The following TSPAN5 variants were observed in gnomAD, a reference collection of about 807,000 sequenced individuals.
The protein encoded by TSPAN5 is tetraspanin 5, also known as tetraspanin-5.
A neutral mutation model predicts 37.1 loss-of-function variants in TSPAN5; 10 were observed. The ratio of observed to expected loss-of-function variants is 0.27; its 90% CI spans 0.17 to 0.46. The LOEUF (loss-of-function observed/expected upper bound fraction) is 0.46. Among genes scored for constraint, TSPAN5 ranks in the 20% least tolerant of loss-of-function variants. The probability of loss-of-function intolerance (pLI) is 1.00; values close to 1 mark genes in which losing one functional copy is unlikely to be tolerated. For synonymous variants in TSPAN5, 110 were observed against 118.9 expected (o/e 0.93, Z 0.48); for missense variants, 195 against 326.6 (o/e 0.60, Z 3.11).
At chr4:98,645,639 G>A (rs769685121) in intron 1 of TSPAN5, among the ~76,000 whole-genome samples, 11 of 152,142 alleles carry the variant, frequency 7.2e-5, no homozygotes, top group African/African-American at 1.9e-4. Context: ...TTTGGGACTC[G>A]CTGCTTTAGA....
chr4:98,654,837 TTTTTGTTTTGCTTTG>T (rs1425466981), intron 1 of TSPAN5, among the ~76,000 whole-genome samples: 5 of 152,064 alleles, frequency 3.3e-5, no homozygotes, highest in African/African-American at 1.2e-4. Context: ...AGTGAAAGGT[TTTTTGTTTTGCTTTG>T]TTTTGTTTTT....
chr4:98,649,276 C>A (rs559434453), intron 1 of TSPAN5, among the ~76,000 whole-genome samples: 1 of 152,204 alleles, frequency 6.6e-6, no homozygotes, highest in East Asian at 1.9e-4. Context: ...CCAGCACAGA[C>A]CCACCCACCC....
chr4:98,491,405 T>G (rs1020338250), intron 2 of TSPAN5, among the ~76,000 whole-genome samples: 2 of 152,182 alleles, frequency 1.3e-5, no homozygotes, highest in Non-Finnish European at 2.9e-5. Flanking sequence ...CAACATTCAC[T>G]GAAGAGCAGC....
chr4:98,614,409 C>A (rs1367924809), intron 1 of TSPAN5, among the ~76,000 whole-genome samples: 1 of 152,102 alleles, frequency 6.6e-6, no homozygotes, highest in Non-Finnish European at 1.5e-5. Context: ...GAAATGGAGC[C>A]AGGCTATTTT....
intron 1 of TSPAN5, among the ~76,000 whole-genome samples, chr4:98,556,037 A>ACCCCCCCCC (rs374997947): frequency 1.6e-5 from 1 of 63,398 alleles, no homozygotes; most frequent in African/African-American, 7.9e-5. Context: ...CACACACAGC[A>ACCCCCCCCC]CCCCCACACA....
At chr4:98,636,453 A>C (rs2110271111) in intron 1 of TSPAN5, among the ~76,000 whole-genome samples, 1 of 152,322 alleles carries the variant, frequency 6.6e-6, no homozygotes, top group Non-Finnish European at 1.5e-5. Flanking sequence ...ATATTTAGCT[A>C]TTTAAAGCAG....
intron 1 of TSPAN5, among the ~76,000 whole-genome samples, chr4:98,655,342 C>T (rs1757273706): frequency 6.6e-6 from 1 of 152,056 alleles, no homozygotes; most frequent in African/African-American, 2.4e-5. Flanking sequence ...TTTTCTTCTC[C>T]AGCATATTGG....
At chr4:98,604,513 T>C (rs1755959755) in intron 1 of TSPAN5, among the ~76,000 whole-genome samples, 1 of 152,240 alleles carries the variant, frequency 6.6e-6, no homozygotes, top group African/African-American at 2.4e-5. Flanking sequence ...TGACATGATA[T>C]GTATTAATGG....
chr4:98,537,369 G>C (rs1476226677), intron 1 of TSPAN5, among the ~76,000 whole-genome samples: 1 of 152,158 alleles, frequency 6.6e-6, no homozygotes, highest in Admixed American at 6.5e-5. Flanking sequence ...CTCAGTTGGA[G>C]ATGCAGAAAT....
At position 98,476,256 on chromosome 4, in the gene TSPAN5, A is replaced by G. The variant is rs1237322250; in HGVS notation, c.674T>C (p.Phe225Ser). ...TAAATTGTCCTGCAACCACTTCTCA[A>G]ACTGGGGCACACAGCCTTTCGTGTA... ...VIYTKGCVPQ[F>S]EKWLQDNLTI... Residue 225 changes from phenylalanine (F) to serine (S), a missense_variant, in exon 7 of 8, where the codon TTT becomes TCT. Phe to Ser is a radical substitution (Grantham distance 155). Transcript: ENST00000305798. The G allele has an allele frequency of 6.2e-7, 1 of 1,614,186 alleles. No homozygotes were observed. Among genetic ancestry groups the G allele is most frequent in the Admixed American group, 1.7e-5 (1 of 60,020 alleles).
chr4:98,635,575 G>A (rs1303188823), intron 1 of TSPAN5, among the ~76,000 whole-genome samples: 2 of 152,104 alleles, frequency 1.3e-5, no homozygotes, highest in Non-Finnish European at 2.9e-5. Flanking sequence ...ACCCACCTTC[G>A]ATTTATCCTT....
intron 1 of TSPAN5, among the ~76,000 whole-genome samples, chr4:98,651,681 G>A (rs1174555024): frequency 6.6e-6 from 1 of 152,140 alleles, no homozygotes; most frequent in African/African-American, 2.4e-5. Context: ...GGATGGAAAT[G>A]ATGGGGAGAC....
At chr4:98,482,427 A>G (rs923088635) in intron 3 of TSPAN5, 2 of 317,492 alleles carry the variant, frequency 6.3e-6, no homozygotes, top group African/African-American at 4.3e-5. Flanking sequence ...AAAGCCCATA[A>G]GCAAACATGG....
intron 1 of TSPAN5, among the ~76,000 whole-genome samples, chr4:98,592,387 G>C (rs1755659040): frequency 6.8e-6 from 1 of 145,998 alleles, no homozygotes; most frequent in Non-Finnish European, 1.5e-5. Context: ...CAACCAATCA[G>C]AAAGGGCCTG....
intron 1 of TSPAN5, among the ~76,000 whole-genome samples, chr4:98,563,493 C>T (rs1300797596): frequency 6.6e-6 from 1 of 152,120 alleles, no homozygotes; most frequent in Non-Finnish European, 1.5e-5. Flanking sequence ...TGTCCTTTGG[C>T]TCATACATTT....
intron 1 of TSPAN5, among the ~76,000 whole-genome samples, chr4:98,647,901 A>T (rs1248773089): frequency 6.6e-6 from 1 of 152,166 alleles, no homozygotes; most frequent in African/African-American, 2.4e-5. Context: ...AGACCCAGTA[A>T]AACAGCTCAG....
At chr4:98,633,856 G>A (rs1220539197) in intron 1 of TSPAN5, among the ~76,000 whole-genome samples, 1 of 152,124 alleles carries the variant, frequency 6.6e-6, no homozygotes, top group Non-Finnish European at 1.5e-5. Flanking sequence ...GAGACGGGAG[G>A]ATCACCTGAG....
intron 1 of TSPAN5, among the ~76,000 whole-genome samples, chr4:98,519,592 G>A (rs1314220490): frequency 1.3e-5 from 2 of 152,216 alleles, no homozygotes; most frequent in East Asian, 3.8e-4. Flanking sequence ...TGCAGTCTAA[G>A]AAAACGTCCC....
chr4:98,592,763 G>T (rs1755679498), intron 1 of TSPAN5, among the ~76,000 whole-genome samples: 1 of 151,140 alleles, frequency 6.6e-6, no homozygotes, highest in Non-Finnish European at 1.5e-5. Context: ...CAAAGGATAT[G>T]AACTCATCAT....
Sources: gnomAD v4.1 joint callset for allele counts (sites outside exome capture counted in the v4.1 genomes callset) on GRCh38, gnomAD v4.1.1 for gene constraint, MANE v1.5 for transcripts, NCBI Gene and HGNC (gene_info 2026-07-23, HGNC 2026-07-21) for gene names.